Variants in PSME4 observed in about 807,000 individuals in gnomAD.
PSME4 encodes proteasome activator subunit 4.
Under a neutral mutation model 253.9 loss-of-function variants are expected in PSME4, and 89 were observed. The observed-to-expected ratio is 0.35, with a 90% CI of 0.30 to 0.42. PSME4 has a LOEUF of 0.42. Ranked by LOEUF, PSME4 falls within the 10% of genes least tolerant of loss-of-function variation. PSME4 has a pLI of 1.00. For missense variants in PSME4, 2,014 were observed against 2,195.2 expected (o/e 0.92, Z 1.65); for synonymous variants, 851 against 759.2 (o/e 1.12, Z -1.99).
intron 3 of PSME4, among the ~76,000 whole-genome samples, chr2:53,947,506 C>A (rs888673393): frequency 5.3e-5 from 8 of 151,040 alleles, no homozygotes; most frequent in Non-Finnish European, 1.0e-4. Flanking sequence ...GAGATAGAGA[C>A]CATCTTGGCT....
rs1283240755 is a variant in PSME4 at position 53,962,394 on chromosome 2, G to A, written c.242+8149C>T. ...TATATAGTTATATGCTTATTTACAA[G>A]CTTGCCAAAAAAAAAAAAACAGTAA... is the stretch of plus-strand genomic sequence containing the variant. On this transcript the variant is annotated intron_variant, in intron 1 of 46. Coordinates refer to ENST00000404125, the MANE Select transcript of PSME4 (RefSeq NM_014614.3). 3.0e-5 allele frequency among the ~76,000 whole-genome samples: 4 copies of A among 131,306 alleles called. No homozygotes were observed. The East Asian group carries it at 8.8e-4, about 29-fold the overall frequency. The allele number at this position is 131,306 out of a possible 152,430, so 86.1% of individuals were successfully genotyped here.
At position 53,932,838 on chromosome 2, in the gene PSME4, C is replaced by A. The variant is rs530876135; in HGVS notation, c.958-78G>T. The A allele has an allele frequency of 3.0e-5, 32 of 1,071,538 alleles. No homozygotes were observed. In the African/African-American group the frequency reaches 4.1e-4, roughly 14 times the overall value. 66.4% of individuals were successfully genotyped at this position (1,071,538 alleles called of 1,614,324 possible). ...AGAGGTCAACAGGCCCAAGCCTATA[C>A]GTAAATCACTAATACAGTTTATAGT... is the stretch of plus-strand genomic sequence containing the variant. On this transcript the variant is annotated intron_variant, in intron 8 of 46. Transcript: ENST00000404125.
chr2:53,966,443 T>C lies in PSME4; in HGVS notation c.242+4100A>G, dbSNP rs182429544. On this transcript the variant is annotated intron_variant, in intron 1 of 46. Coordinates refer to ENST00000404125, the MANE Select transcript of PSME4 (RefSeq NM_014614.3). ...TTGGGAGGCCGGGGTGGCCAGATCA[T>C]TTGAGATCAAGAGTTTGAGACTGGC... 2.8e-3 allele frequency among the ~76,000 whole-genome samples: 426 copies of C among 152,122 alleles called. 3 individuals are homozygous for C. Among genetic ancestry groups the C allele is most frequent in the African/African-American group, 9.6e-3 (399 of 41,492 alleles).
chr2:53,884,478 G>A (rs1679547872), intron 41 of PSME4, among the ~76,000 whole-genome samples: 1 of 151,058 alleles, frequency 6.6e-6, no homozygotes, highest in East Asian at 1.9e-4. Context: ...CAAAGTGCTG[G>A]CATTACAGGT....
chr2:53,968,350 G>C (rs187202326), intron 1 of PSME4, among the ~76,000 whole-genome samples: 1 of 151,420 alleles, frequency 6.6e-6, no homozygotes, highest in Admixed American at 6.6e-5. Flanking sequence ...ACATGATTAA[G>C]TAACTTTCCC....
At chr2:53,875,891 C>A in intron 41 of PSME4, 136 bp from the exon 42 acceptor site, 1 of 726,120 alleles carries the variant, frequency 1.4e-6, no homozygotes, top group Non-Finnish European at 2.1e-6. Context: ...TAGAGAATAG[C>A]ATAATGAACC....
At chr2:53,933,033 A>G in intron 8 of PSME4, 1 of 358,928 alleles carries the variant, frequency 2.8e-6, no homozygotes, top group Non-Finnish European at 5.2e-6. Flanking sequence ...CAAACAGCGT[A>G]CTTTACTGTT....
chr2:53,908,823 G>T lies in PSME4; in HGVS notation c.2590C>A (p.His864Asn), dbSNP rs1338651372. 2 of 1,601,812 alleles carry T rather than the reference G, an allele frequency of 1.2e-6. No homozygotes were observed. The highest frequency in any genetic ancestry group is 1.7e-6 in the Non-Finnish European group (2 of 1,171,502). The change falls in exon 22 of 47, where the codon CAC (histidine) becomes AAC (asparagine). Residue 864 changes from histidine to asparagine, a missense_variant. By Grantham distance (68) the His-to-Asn change is moderately conservative. Around this residue, in one of 4 missense-constraint regions of PSME4, gnomAD observed 989 missense variants for 1,021.1 expected, o/e 0.97. Coordinates refer to ENST00000404125, the MANE Select transcript of PSME4 (RefSeq NM_014614.3). Reference protein sequence around the residue: ...GLEYDLSRENHREVIATVIRK... With the variant: ...GLEYDLSRENNREVIATVIRK... ...ATAACTGTAGCAATTACTTCTCGGT[G>T]GTTCTCTCGAGACAGATCTATTTTG...
intron 7 of PSME4, among the ~76,000 whole-genome samples, chr2:53,935,455 C>A (rs1400755253): frequency 6.6e-6 from 1 of 152,124 alleles, no homozygotes; most frequent in Non-Finnish European, 1.5e-5. Context: ...CCCCACAAGC[C>A]CTACTCAAGC....
In PSME4 at chr2:53,970,827, C is replaced by A; in HGVS notation, c.-43G>T. 7.0e-7 allele frequency: 1 copy of A among 1,423,398 alleles called. No individual in the cohort carries two copies. The highest frequency in any genetic ancestry group is 2.6e-5 in the Admixed American group (1 of 38,446). The allele number at this position is 1,423,398 out of a possible 1,614,324, so 88.2% of individuals were successfully genotyped here. On this transcript the variant is annotated 5_prime_UTR_variant, in exon 1 of 47. Coordinates refer to ENST00000404125, the MANE Select transcript of PSME4 (RefSeq NM_014614.3). ...CCCCACCCCCTCCCACCCGAACCCT[C>A]CCCGGCCCCCACCCCTCTCCGGGCT...
chr2:53,949,744 G>C (rs1326195626), intron 1 of PSME4, among the ~76,000 whole-genome samples: 1 of 152,158 alleles, frequency 6.6e-6, no homozygotes. Context: ...AGGAAATGGA[G>C]AGCTGTTATT....
chr2:53,908,908 C>G (rs1237817301), intron 21 of PSME4, 68 bp from the exon 22 acceptor site: 11 of 1,223,450 alleles, frequency 9.0e-6, no homozygotes, highest in Non-Finnish European at 1.2e-5. Flanking sequence ...AAGTTTATAT[C>G]AACAGGTTAG....
At chr2:53,873,777 T>C (rs929637565) in intron 43 of PSME4, among the ~76,000 whole-genome samples, 9 of 152,210 alleles carry the variant, frequency 5.9e-5, no homozygotes, top group African/African-American at 2.2e-4. Context: ...GTAGGACTAG[T>C]GGGACAATTA....
At chr2:53,866,991 G>A (rs1304580789) in intron 44 of PSME4, 111 bp from the exon 45 acceptor site, 2 of 1,060,596 alleles carry the variant, frequency 1.9e-6, no homozygotes, top group Non-Finnish European at 2.7e-6. Flanking sequence ...GTGAATTTCT[G>A]CATTTAAAAT....
chr2:53,940,569 T>C (rs1019181424), intron 3 of PSME4, among the ~76,000 whole-genome samples: 22 of 152,044 alleles, frequency 1.4e-4, no homozygotes, highest in Admixed American at 6.6e-5. Flanking sequence ...CAACATGTAG[T>C]TGCCTCAAGT....
chr2:53,914,267 T>C (rs1280795198), intron 20 of PSME4, among the ~76,000 whole-genome samples: 1 of 152,012 alleles, frequency 6.6e-6, no homozygotes, highest in Non-Finnish European at 1.5e-5. Context: ...AAAGGAAAAA[T>C]TAATGATGAT....
rs1443586422 is a variant in PSME4 at position 53,870,797 on chromosome 2, T to C, written c.5101-1259A>G. The C allele has an allele frequency of 3.3e-5, 5 of 152,152 alleles. No individual in the cohort carries two copies. In the East Asian group the frequency reaches 7.7e-4, roughly 23 times the overall value. 9.4% of individuals were successfully genotyped at this position (152,152 alleles called of 1,614,324 possible). On this transcript the variant is annotated intron_variant, in intron 43 of 46. Coordinates refer to ENST00000404125, the MANE Select transcript of PSME4 (RefSeq NM_014614.3). ...ATATTTTCAATATACTCCATTTTTATTTTTTTATTTTTTGTAGACACAGGT... is the reference window on the plus strand; with the variant it reads ...ATATTTTCAATATACTCCATTTTTACTTTTTTATTTTTTGTAGACACAGGT...
chr2:53,967,779 A>T (rs1278371987), intron 1 of PSME4, among the ~76,000 whole-genome samples: 1 of 151,428 alleles, frequency 6.6e-6, no homozygotes, highest in Admixed American at 6.6e-5. Flanking sequence ...CACATTTCTG[A>T]TCAGCAAGAT....
At chr2:53,909,536 C>A (rs1667729810) in intron 21 of PSME4, among the ~76,000 whole-genome samples, 1 of 151,958 alleles carries the variant, frequency 6.6e-6, no homozygotes, top group Non-Finnish European at 1.5e-5. Context: ...ACAGACTGAC[C>A]CAATTTCTTA....
Sources: gnomAD v4.1 joint callset for allele counts (sites outside exome capture counted in the v4.1 genomes callset) on GRCh38, gnomAD v4.1.1 for gene constraint, gnomAD v4.1.1 regional missense constraint, MANE v1.5 for transcripts, NCBI Gene and HGNC (gene_info 2026-07-23, HGNC 2026-07-21) for gene names.